PRKCE: variants seen among roughly 807,000 people sequenced by gnomAD.
The protein encoded by PRKCE is protein kinase C epsilon type.
In PRKCE, 16 loss-of-function variants were observed where a neutral mutation model predicts 85.4. The ratio of observed to expected loss-of-function variants is 0.19; its 90% CI spans 0.13 to 0.28. PRKCE has a LOEUF of 0.28. Ranked by LOEUF, PRKCE falls within the 10% of genes least tolerant of loss-of-function variation. The pLI is 1.00. For missense variants in PRKCE, 573 were observed against 975.2 expected (o/e 0.59, Z 5.49); for synonymous variants, 388 against 371.5 (o/e 1.04, Z -0.51).
chr2:46,138,056 C>A lies in PRKCE; in HGVS notation c.1593-7037C>A, dbSNP rs890213354. Among the ~76,000 whole-genome samples the A allele has an allele frequency of 2.0e-5, 3 of 152,190 alleles. No homozygotes were observed. The highest frequency in any genetic ancestry group is 7.2e-5 in the African/African-American group (3 of 41,446). On this transcript the variant is annotated intron_variant, in intron 11 of 14. Coordinates refer to ENST00000306156, the MANE Select transcript of PRKCE (RefSeq NM_005400.3). This position sits in a 1 kb window ranked among gnomAD's most constrained non-coding sequence, Gnocchi z 4.2. ...AGACTATTACTGCTAGGACTTATTTCTTTCCTGCTCAGATAGGTTTTATAG... is the reference window on the plus strand; with the variant it reads ...AGACTATTACTGCTAGGACTTATTTATTTCCTGCTCAGATAGGTTTTATAG...
intron 1 of PRKCE, among the ~76,000 whole-genome samples, chr2:45,833,273 G>C (rs1021551786): frequency 6.6e-6 from 1 of 152,120 alleles, no homozygotes; most frequent in Non-Finnish European, 1.5e-5. Flanking sequence ...AATTTTTCTG[G>C]TTACAAATTC....
intron 1 of PRKCE, among the ~76,000 whole-genome samples, chr2:45,719,861 G>A (rs1175876835): frequency 1.3e-5 from 2 of 152,236 alleles, no homozygotes; most frequent in African/African-American, 4.8e-5. Context: ...GGAGTTCGAA[G>A]TTACAGTGAG....
At position 45,907,722 on chromosome 2, in the gene PRKCE, G is replaced by A. The variant is rs1357186101; in HGVS notation, c.412+64659G>A. Reference sequence around the variant, plus strand: ...GCCAAGTGGAGCACAGCACCACTGCGCAGCTGTAGTACCTGAGGGCGTGAC... The same window carrying A: ...GCCAAGTGGAGCACAGCACCACTGCACAGCTGTAGTACCTGAGGGCGTGAC... On this transcript the variant is annotated intron_variant, in intron 2 of 14. Transcript: ENST00000306156. This position sits in a 1 kb window ranked among gnomAD's most constrained non-coding sequence, Gnocchi z 4.5. Among the ~76,000 whole-genome samples, 2 of 152,310 alleles carry A rather than the reference G, an allele frequency of 1.3e-5. No individual in the cohort carries two copies. Among genetic ancestry groups the A allele is most frequent in the South Asian group, 2.1e-4 (1 of 4,826 alleles).
chr2:46,098,770 T>C (rs1170518360), intron 11 of PRKCE, among the ~76,000 whole-genome samples: 1 of 152,240 alleles, frequency 6.6e-6, no homozygotes, highest in African/African-American at 2.4e-5. Context: ...CCTTTGGCTA[T>C]TGAATCATTA....
Position 45,942,265 on chromosome 2 carries a change from CG to C in PRKCE, c.413-34163del, listed in dbSNP as rs1031063046. Among the ~76,000 whole-genome samples the C allele has an allele frequency of 5.3e-5, 8 of 152,090 alleles. No individual in the cohort carries two copies. In the South Asian group the frequency reaches 1.7e-3, roughly 31 times the overall value. ...GGTCCAAAAACACCAATTAGAGAAG[CG>C]TTTCTGGCCAAAGACAATGCTTATC... On this transcript the variant is annotated intron_variant, in intron 2 of 14. Transcript: ENST00000306156.
At position 46,185,873 on chromosome 2, in the gene PRKCE, A is replaced by G. The variant is rs551289557; in HGVS notation, c.*992A>G. 6.6e-6 allele frequency: 1 copy of G among 152,338 alleles called. No individual in the cohort carries two copies. The highest frequency in any genetic ancestry group is 6.5e-5 in the Admixed American group (1 of 15,302). 9.4% of individuals were successfully genotyped at this position (152,338 alleles called of 1,614,324 possible). ...ATCCTAAGTTCCTAGCATAAACACT[A>G]TTTATTTTCTGCAGCAGTGTGTTAT... is the stretch of plus-strand genomic sequence containing the variant. On this transcript the variant is annotated 3_prime_UTR_variant, in exon 15 of 15. Transcript: ENST00000306156. The surrounding 1 kb of genome is among the most constrained non-coding windows in gnomAD (Gnocchi z 4.7).
chr2:45,743,617 C>G (rs1682767695), intron 1 of PRKCE, among the ~76,000 whole-genome samples: 1 of 152,174 alleles, frequency 6.6e-6, no homozygotes, highest in Non-Finnish European at 1.5e-5. Context: ...CTTTCAGATC[C>G]CGCCCTGCCT....
Position 46,001,450 on chromosome 2 carries a change from C to T in PRKCE, c.870C>T (p.Pro290=). Residue 290 remains proline, a synonymous_variant, in exon 7 of 15, where the codon CCC becomes CCT. Transcript: ENST00000306156. The surrounding 1 kb of genome is among the most constrained non-coding windows in gnomAD (Gnocchi z 4.4). ...GTCGATGTGAGACCAACGTGGCTCC[C>T]AACTGTGGAGTGGATGCCAGAGGAA... ...VHRRCETNVA[P]NCGVDARGIA... 2 of 1,599,426 alleles carry T rather than the reference C, an allele frequency of 1.3e-6. No individual in the cohort carries two copies. Among genetic ancestry groups the T allele is most frequent in the Non-Finnish European group, 1.7e-6 (2 of 1,179,826 alleles).
At chr2:45,760,374 G>A (rs946085738) in intron 1 of PRKCE, among the ~76,000 whole-genome samples, 6 of 152,124 alleles carry the variant, frequency 3.9e-5, no homozygotes, top group Non-Finnish European at 7.4e-5. Flanking sequence ...CAGGTGAATC[G>A]CACAGCTTTA....
chr2:45,829,699 C>T (rs1449349061), intron 1 of PRKCE, among the ~76,000 whole-genome samples: 2 of 152,206 alleles, frequency 1.3e-5, no homozygotes, highest in East Asian at 3.8e-4. Flanking sequence ...CAGGTAAAAA[C>T]AAGTGACCTT....
intron 2 of PRKCE, among the ~76,000 whole-genome samples, chr2:45,924,113 A>G (rs1047705248): frequency 1.6e-4 from 25 of 152,088 alleles, no homozygotes; most frequent in African/African-American, 5.1e-4. Context: ...CCCTTTTCCC[A>G]TCTTCTCCTG....
intron 3 of PRKCE, chr2:45,978,334 T>G (rs544802003): frequency 6.6e-6 from 1 of 152,400 alleles, no homozygotes; most frequent in Admixed American, 6.5e-5. Flanking sequence ...CCTGACCATC[T>G]GTAGTTAGTA....
chr2:46,025,273 C>A (rs115909876), intron 10 of PRKCE, among the ~76,000 whole-genome samples: 329 of 152,314 alleles, frequency 2.2e-3, no homozygotes, highest in African/African-American at 7.4e-3. Flanking sequence ...TGTGCAGGAG[C>A]AGTACCAGGG....
At chr2:46,069,848 G>A (rs1183417990) in intron 10 of PRKCE, among the ~76,000 whole-genome samples, 1 of 152,100 alleles carries the variant, frequency 6.6e-6, no homozygotes, top group Non-Finnish European at 1.5e-5. Flanking sequence ...GGCAATTTTG[G>A]GGCAATTCTA....
At chr2:45,670,977 G>A (rs1489439598) in intron 1 of PRKCE, among the ~76,000 whole-genome samples, 1 of 152,206 alleles carries the variant, frequency 6.6e-6, no homozygotes. Flanking sequence ...CAGGGTTCCT[G>A]GGTTGAATTG....
intron 10 of PRKCE, among the ~76,000 whole-genome samples, chr2:46,055,357 G>A (rs1666469033): frequency 6.6e-6 from 1 of 152,228 alleles, no homozygotes; most frequent in African/African-American, 2.4e-5. Context: ...GACCAGGTGA[G>A]TGGAGTCTGC....
At chr2:45,973,109 G>T (rs1489438487) in intron 2 of PRKCE, among the ~76,000 whole-genome samples, 1 of 152,190 alleles carries the variant, frequency 6.6e-6, no homozygotes, top group Non-Finnish European at 1.5e-5. Flanking sequence ...ATACATATGT[G>T]GGATCTACAT....
At chr2:45,819,455 A>G (rs967772247) in intron 1 of PRKCE, among the ~76,000 whole-genome samples, 2 of 152,160 alleles carry the variant, frequency 1.3e-5, no homozygotes, top group African/African-American at 4.8e-5. Context: ...ACCCAAGAGG[A>G]CACATTGTCC....
At chr2:45,821,651 A>G (rs1027829977) in intron 1 of PRKCE, among the ~76,000 whole-genome samples, 1 of 152,024 alleles carries the variant, frequency 6.6e-6, no homozygotes, top group African/African-American at 2.4e-5. Flanking sequence ...CTTGGGCAGG[A>G]TGGTGGCCAG....
Sources: gnomAD v4.1 joint callset for allele counts (sites outside exome capture counted in the v4.1 genomes callset) on GRCh38, gnomAD v4.1.1 for gene constraint, Gnocchi (gnomAD v3.1) non-coding constraint, MANE v1.5 for transcripts, NCBI Gene and HGNC (gene_info 2026-07-23, HGNC 2026-07-21) for gene names.